PLCH1: variants seen among roughly 807,000 people sequenced by gnomAD.
PLCH1 encodes the protein 1-phosphatidylinositol 4,5-bisphosphate phosphodiesterase eta-1.
Under a neutral mutation model 126.7 loss-of-function variants are expected in PLCH1, and 60 were observed. The observed-to-expected ratio is 0.47, with a 90% confidence interval of 0.38 to 0.59. The LOEUF (loss-of-function observed/expected upper bound fraction) is 0.59, where lower values mean the gene tolerates loss of function less well. PLCH1 is among the 20% of genes least tolerant of loss of function. The pLI is 0.00. For missense variants in PLCH1, 1,723 were observed against 2,040.0 expected (o/e 0.84, Z 2.99); for synonymous variants, 719 against 734.9 (o/e 0.98, Z 0.35).
intron 2 of PLCH1, chr3:155,676,286 G>T: frequency 8.6e-7 from 1 of 1,168,096 alleles, no homozygotes; most frequent in Non-Finnish European, 1.1e-6. Context: ...AAAGTGAAAA[G>T]CACAGCCAGA....
chr3:155,744,045 T>G (rs892330721), intron 1 of PLCH1, among the ~76,000 whole-genome samples: 1 of 152,148 alleles, frequency 6.6e-6, no homozygotes, highest in Non-Finnish European at 1.5e-5. Context: ...GCTTTAATGC[T>G]GAACTCTCAA....
chr3:155,499,065 A>C (rs2108126928), intron 14 of PLCH1, among the ~76,000 whole-genome samples: 1 of 152,352 alleles, frequency 6.6e-6, no homozygotes, highest in East Asian at 1.9e-4. Flanking sequence ...AGGCAACAGA[A>C]ATAACATGTG....
rs370898264 is a variant in PLCH1 at position 155,483,067 on chromosome 3, A to G, written c.2975-16T>C. 136 of 1,605,702 alleles carry G rather than the reference A, an allele frequency of 8.5e-5. No individual in the cohort carries two copies. The African/African-American group carries it at 1.6e-3, about 19-fold the overall frequency. On this transcript the variant is annotated splice_polypyrimidine_tract_variant and intron_variant, in intron 22 of 22. Coordinates refer to ENST00000460012, the MANE Select transcript of PLCH1 (RefSeq NM_014996.4). ...TTATCTTCTGCTGAAGGAGACAAAC[A>G]ATATTTTAGGTGACATCTATCACTT... is the stretch of plus-strand genomic sequence containing the variant.
At chr3:155,485,915 G>C in intron 21 of PLCH1, 1 of 601,562 alleles carries the variant, frequency 1.7e-6, no homozygotes, top group Non-Finnish European at 2.9e-6. Flanking sequence ...AAGGACTTCA[G>C]CCTTCCATTC....
intron 2 of PLCH1, among the ~76,000 whole-genome samples, chr3:155,677,222 A>G (rs944787192): frequency 6.6e-6 from 1 of 152,162 alleles, no homozygotes; most frequent in Non-Finnish European, 1.5e-5. Context: ...TGCATATACC[A>G]GTGTCAGGCC....
chr3:155,694,654 G>A (rs910511902), intron 2 of PLCH1, among the ~76,000 whole-genome samples: 5 of 152,198 alleles, frequency 3.3e-5, no homozygotes, highest in East Asian at 1.9e-4. Flanking sequence ...ACACTTATAC[G>A]TCAGTCACAT....
chr3:155,485,521 A>T lies in PLCH1; in HGVS notation c.2809T>A (p.Ser937Thr). The T allele has an allele frequency of 3.7e-6, 6 of 1,614,172 alleles. No homozygotes were observed. Among genetic ancestry groups the T allele is most frequent in the Non-Finnish European group, 5.1e-6 (6 of 1,180,014 alleles). Reference sequence around the variant, plus strand: ...TGATCTCTTGTGGCCTCGGACACAGAATCCTTTATCTCCACCATTTCTTGG... The same window carrying T: ...TGATCTCTTGTGGCCTCGGACACAGTATCCTTTATCTCCACCATTTCTTGG... ...GFQEMVEIKD[S>T]VSEATRDQDG... The change falls in exon 22 of 23, where the codon TCT becomes ACT. Residue 937 changes from serine (S) to threonine (T), a missense_variant. Transcript: ENST00000460012.
chr3:155,495,162 AAGAC>A (rs1716848226), intron 15 of PLCH1, among the ~76,000 whole-genome samples: 1 of 152,206 alleles, frequency 6.6e-6, no homozygotes, highest in Non-Finnish European at 1.5e-5. Context: ...TTTAAGAACA[AAGAC>A]AGACATTCAC....
intron 6 of PLCH1, 67 bp from the exon 7 acceptor site, chr3:155,568,391 G>A: frequency 1.5e-6 from 1 of 682,898 alleles, no homozygotes. Context: ...ACAGTAGAAA[G>A]ACATTTACTG....
intron 2 of PLCH1, among the ~76,000 whole-genome samples, chr3:155,603,660 T>G (rs924476776): frequency 1.3e-5 from 2 of 152,228 alleles, no homozygotes; most frequent in Admixed American, 6.5e-5. Flanking sequence ...CTGATCTAGC[T>G]TCCATAAATG....
In PLCH1 at chr3:155,497,416, A is replaced by G. The variant is rs1717205457; in HGVS notation, c.1798T>C (p.Leu600=). 1 of 1,609,460 alleles carries G rather than the reference A, an allele frequency of 6.2e-7. No homozygotes were observed. Among genetic ancestry groups the G allele is most frequent in the African/African-American group, 1.3e-5 (1 of 74,952 alleles). ...TGKEGGQLYR[L]GRRRKTMKLC... Reference sequence around the variant, plus strand: ...TTCATGGTTTTCCTTCGGCGACCCAATCTGTGAAGTACCCACAGAGGATGC... The same window carrying G: ...TTCATGGTTTTCCTTCGGCGACCCAGTCTGTGAAGTACCCACAGAGGATGC... The change falls in exon 15 of 23, where the codon TTG becomes CTG. Residue 600 remains leucine (L), a splice_region_variant and synonymous_variant. Coordinates refer to ENST00000460012, the MANE Select transcript of PLCH1 (RefSeq NM_014996.4).
intron 2 of PLCH1, among the ~76,000 whole-genome samples, chr3:155,649,130 G>A (rs910366932): frequency 6.6e-6 from 1 of 152,112 alleles, no homozygotes; most frequent in African/African-American, 2.4e-5. Context: ...AGGGCAATTC[G>A]AGAAACCCAG....
intron 2 of PLCH1, among the ~76,000 whole-genome samples, chr3:155,670,619 T>C (rs908742251): frequency 7.2e-5 from 11 of 152,220 alleles, no homozygotes; most frequent in African/African-American, 2.4e-4. Context: ...GTAGGGTTCA[T>C]GGCCCTGATC....
chr3:155,725,904 G>T (rs1344077831), intron 1 of PLCH1, among the ~76,000 whole-genome samples: 1 of 152,108 alleles, frequency 6.6e-6, no homozygotes, highest in African/African-American at 2.4e-5. Context: ...CAGCTCCCTT[G>T]ATTTCCTTGA....
downstream of PLCH1, among the ~76,000 whole-genome samples, chr3:155,478,424 G>A (rs1713641525): frequency 6.6e-6 from 1 of 152,088 alleles, no homozygotes; most frequent in Non-Finnish European, 1.5e-5. Flanking sequence ...CAATGGGTAA[G>A]TCAAAGGATA....
chr3:155,601,776 T>G (rs1164372265), intron 2 of PLCH1, among the ~76,000 whole-genome samples: 1 of 152,132 alleles, frequency 6.6e-6, no homozygotes, highest in Non-Finnish European at 1.5e-5. Flanking sequence ...CTGACTTCAG[T>G]TTATTTACAG....
intron 22 of PLCH1, among the ~76,000 whole-genome samples, chr3:155,485,035 T>C (rs1002036541): frequency 1.1e-4 from 17 of 152,318 alleles, no homozygotes; most frequent in African/African-American, 4.1e-4. Flanking sequence ...TCAGTAAATA[T>C]GGCACTCATT....
chr3:155,618,425 C>G (rs747580598), intron 2 of PLCH1, among the ~76,000 whole-genome samples: 8 of 152,106 alleles, frequency 5.3e-5, no homozygotes, highest in Non-Finnish European at 1.0e-4. Context: ...TGTCAAACAG[C>G]CACCGTCCTC....
At chr3:155,653,188 G>T (rs866904698) in intron 2 of PLCH1, among the ~76,000 whole-genome samples, 1 of 122,082 alleles carries the variant, frequency 8.2e-6, no homozygotes, top group Non-Finnish European at 1.8e-5. Flanking sequence ...TATAGATATA[G>T]ATATATAGAT....
Sources: allele counts gnomAD v4.1 joint callset (sites outside exome capture counted in the v4.1 genomes callset), GRCh38; gene constraint gnomAD v4.1.1; transcripts MANE v1.5; gene names NCBI Gene and HGNC (gene_info 2026-07-23, HGNC 2026-07-21).